NALCN: variants seen among roughly 807,000 people sequenced by gnomAD.
NALCN encodes sodium leak channel, non-selective.
Under a neutral mutation model 225.3 loss-of-function variants are expected in NALCN, and 111 were observed. The observed-to-expected ratio is 0.49, with a 90% CI of 0.42 to 0.58. NALCN has a LOEUF of 0.58. Ranked by LOEUF, NALCN falls within the 20% of genes least tolerant of loss-of-function variation. NALCN has a pLI of 0.00. For missense variants in NALCN, 1,378 were observed against 2,202.4 expected (o/e 0.63, Z 7.49); for synonymous variants, 764 against 769.0 (o/e 0.99, Z 0.11).
intron 18 of NALCN, 120 bp downstream of exon 18, chr13:101,124,488 A>G (rs2036134401): frequency 1.2e-6 from 1 of 855,266 alleles, no homozygotes; most frequent in South Asian, 1.7e-5. Context: ...ACTCAAAGCT[A>G]CTTTCTGGCA....
intron 15 of NALCN, among the ~76,000 whole-genome samples, chr13:101,147,734 G>C (rs2037424949): frequency 6.6e-6 from 1 of 151,800 alleles, no homozygotes; most frequent in Admixed American, 6.6e-5. Context: ...AGGCTCAGAG[G>C]CCTTTTTTTG....
At chr13:101,397,907 T>C (rs2047362334) in intron 2 of NALCN, among the ~76,000 whole-genome samples, 1 of 152,054 alleles carries the variant, frequency 6.6e-6, no homozygotes, top group Non-Finnish European at 1.5e-5. Context: ...CATCCAGTCC[T>C]AATGGATGAG....
At chr13:101,179,645 C>T (rs1055737230) in intron 14 of NALCN, among the ~76,000 whole-genome samples, 1 of 152,132 alleles carries the variant, frequency 6.6e-6, no homozygotes, top group Non-Finnish European at 1.5e-5. Flanking sequence ...TGAGGCTGTA[C>T]AGGGGGTTTG....
Position 101,257,738 on chromosome 13 carries a change from GAT to G in NALCN, c.1266+703_1266+704del, listed in dbSNP as rs890454955. Among the ~76,000 whole-genome samples the G allele has an allele frequency of 5.3e-4, 81 of 151,992 alleles. 1 individual carries two copies. The highest frequency in any genetic ancestry group is 2.0e-3 in the African/African-American group (81 of 41,428). On this transcript the variant is annotated intron_variant, in intron 11 of 43. Coordinates refer to ENST00000251127, the MANE Select transcript of NALCN (RefSeq NM_052867.4). ...TAAATATGTAACCATTGAATTCTGA[GAT>G]ATATTTTAGGTAAGTTTTTACATTA...
rs2032544238 is a variant in NALCN at position 101,067,784 on chromosome 13, A to G, written c.4446+134T>C. On this transcript the variant is annotated intron_variant, in intron 39 of 43. Coordinates refer to ENST00000251127, the MANE Select transcript of NALCN (RefSeq NM_052867.4). ...CCTAGAGGATTCTGCTGAACTGTAA[A>G]TGATGGCTTTCTGCAATTCACCATT... 4 of 690,500 alleles carry G rather than the reference A, an allele frequency of 5.8e-6. No homozygotes were observed. The South Asian group carries it at 6.6e-5, about 11-fold the overall frequency. 42.8% of individuals were successfully genotyped at this position (690,500 alleles called of 1,614,324 possible).
At chr13:101,415,987 C>T (rs1052174739) in intron 1 of NALCN, among the ~76,000 whole-genome samples, 4 of 152,158 alleles carry the variant, frequency 2.6e-5, no homozygotes, top group African/African-American at 9.6e-5. Context: ...CTGGGCTTCC[C>T]AAGCCAGCCC....
At position 101,366,945 on chromosome 13, in the gene NALCN, C is replaced by T. The variant is rs74117895; in HGVS notation, c.644+9755G>A. Among the ~76,000 whole-genome samples, 1,042 of 151,260 alleles carry T rather than the reference C, an allele frequency of 6.9e-3. 9 individuals are homozygous for T. The highest frequency in any genetic ancestry group is 0.024 in the African/African-American group (990 of 40,718). On this transcript the variant is annotated intron_variant, in intron 6 of 43. Coordinates refer to ENST00000251127, the MANE Select transcript of NALCN (RefSeq NM_052867.4). Reference sequence around the variant, plus strand: ...TTCCCTTGCAGCTCCATCTCCTTCTCACCGCAGCCCCTGATAACCACCATT... The same window carrying T: ...TTCCCTTGCAGCTCCATCTCCTTCTTACCGCAGCCCCTGATAACCACCATT...
At chr13:101,394,969 A>G (rs1366684432) in intron 3 of NALCN, among the ~76,000 whole-genome samples, 2 of 152,200 alleles carry the variant, frequency 1.3e-5, no homozygotes, top group Non-Finnish European at 2.9e-5. Flanking sequence ...ATATTCCAAG[A>G]GTTTGTGACT....
chr13:101,257,209 G>GTTTTTTTTTTTTTT (rs34334262), intron 11 of NALCN, among the ~76,000 whole-genome samples: 2 of 121,118 alleles, frequency 1.7e-5, no homozygotes, highest in Non-Finnish European at 1.7e-5. Flanking sequence ...ATTGTTTATT[G>GTTTTTTTTTTTTTT]TTTTTTTTTT....
intron 14 of NALCN, chr13:101,181,097 A>T (rs754552060): frequency 5.8e-6 from 3 of 518,820 alleles, no homozygotes; most frequent in Admixed American, 3.9e-5. Context: ...AACACTACTT[A>T]TCGAAGATTG....
In NALCN at chr13:101,068,757, G is replaced by GC; in HGVS notation, c.4267dup (p.Ala1423GlyfsTer35). On this transcript the variant is annotated frameshift_variant, in exon 38 of 44. Transcript: ENST00000251127. LOFTEE classifies it high-confidence loss of function. ...ATAAAATGAACAGAAATACATAAGTGCCCCAGCATAATTTCCACAGTCTGT... is the reference window on the plus strand; with the variant it reads ...ATAAAATGAACAGAAATACATAAGTGCCCCCAGCATAATTTCCACAGTCTGT... The GC allele has an allele frequency of 1.2e-6, 2 of 1,612,454 alleles. No individual in the cohort carries two copies. Among genetic ancestry groups the GC allele is most frequent in the Non-Finnish European group, 1.7e-6 (2 of 1,179,326 alleles).
intron 3 of NALCN, among the ~76,000 whole-genome samples, chr13:101,383,604 T>A (rs1416057285): frequency 6.6e-6 from 1 of 152,216 alleles, no homozygotes; most frequent in Non-Finnish European, 1.5e-5. Flanking sequence ...TACAGCAAGA[T>A]GTCAGTTAAT....
At chr13:101,074,091 C>A (rs2033092796) in intron 36 of NALCN, among the ~76,000 whole-genome samples, 1 of 152,036 alleles carries the variant, frequency 6.6e-6, no homozygotes, top group Non-Finnish European at 1.5e-5. Flanking sequence ...TTGAAAACTG[C>A]TTTTCATATA....
intron 2 of NALCN, among the ~76,000 whole-genome samples, chr13:101,397,494 T>C (rs2047345771): frequency 6.6e-6 from 1 of 151,190 alleles, no homozygotes; most frequent in Non-Finnish European, 1.5e-5. Flanking sequence ...TATATGTATA[T>C]GCATATGCGA....
intron 7 of NALCN, among the ~76,000 whole-genome samples, chr13:101,312,116 C>A (rs986788889): frequency 2.6e-5 from 4 of 152,152 alleles, no homozygotes; most frequent in Non-Finnish European, 4.4e-5. Context: ...GGAATTTATC[C>A]ATTTCTTCTA....
At chr13:101,118,190 T>C (rs1235777532) in intron 18 of NALCN, among the ~76,000 whole-genome samples, 1 of 152,072 alleles carries the variant, frequency 6.6e-6, no homozygotes, top group African/African-American at 2.4e-5. Context: ...AGAAGGTACA[T>C]GGGAAATCTC....
At chr13:101,152,000 G>A (rs945426888) in intron 15 of NALCN, among the ~76,000 whole-genome samples, 3 of 152,146 alleles carry the variant, frequency 2.0e-5, no homozygotes, top group Non-Finnish European at 4.4e-5. Flanking sequence ...CAGCGATACT[G>A]TACAGTTTTC....
chr13:101,273,741 C>T (rs922995358), intron 10 of NALCN, among the ~76,000 whole-genome samples: 7 of 151,772 alleles, frequency 4.6e-5, no homozygotes, highest in Middle Eastern at 3.4e-3. Context: ...AAAAATTAGC[C>T]GGGCGTGGTG....
intron 13 of NALCN, 116 bp downstream of exon 13, chr13:101,229,277 G>C: frequency 9.9e-7 from 1 of 1,013,110 alleles, no homozygotes; most frequent in Non-Finnish European, 1.4e-6. Context: ...ATTATCCCAA[G>C]TTATCAAAAA....
Sources: allele counts gnomAD v4.1 joint callset (sites outside exome capture counted in the v4.1 genomes callset), GRCh38; gene constraint gnomAD v4.1.1; transcripts MANE v1.5; gene names NCBI Gene and HGNC (gene_info 2026-07-23, HGNC 2026-07-21).